Variants in AHR observed in about 807,000 individuals in gnomAD.
The protein encoded by AHR is aryl hydrocarbon receptor, also known as AH-receptor.
Under a neutral mutation model 86.8 loss-of-function variants are expected in AHR, and 40 were observed. The observed-to-expected ratio is 0.46, with a 90% CI of 0.36 to 0.60. The LOEUF is 0.60. AHR is among the 20% of genes least tolerant of loss of function. The pLI is 0.00. For missense variants in AHR, 1,001 were observed against 1,011.6 expected (o/e 0.99, Z 0.14); for synonymous variants, 398 against 354.9 (o/e 1.12, Z -1.37).
chr7:17,319,224 G>A (rs1423049214), intron 2 of AHR, among the ~76,000 whole-genome samples: 2 of 152,068 alleles, frequency 1.3e-5, no homozygotes, highest in African/African-American at 2.4e-5. Flanking sequence ...CATAGACTTC[G>A]TTACCTCTGT....
intron 1 of AHR, among the ~76,000 whole-genome samples, chr7:17,304,936 G>T (rs968799898): frequency 6.6e-6 from 1 of 152,072 alleles, no homozygotes; most frequent in Non-Finnish European, 1.5e-5. Context: ...TAGAAGAAGG[G>T]GGAGGGGAAA....
chr7:17,310,005 A>C lies in AHR; in HGVS notation c.135A>C (p.Thr45=). ...AGCGGCATAGAGACCGACTTAATAC[A>C]GAGTTGGACCGTTTGGCTAGCCTGC... ...PSKRHRDRLN[T]ELDRLASLLP... Residue 45 remains threonine, a synonymous_variant, in exon 2 of 11, where the codon ACA becomes ACC. Transcript: ENST00000242057. The C allele has an allele frequency of 6.2e-7, 1 of 1,613,372 alleles. No homozygotes were observed. The highest frequency in any genetic ancestry group is 8.5e-7 in the Non-Finnish European group (1 of 1,179,468).
chr7:17,342,401 A>G (rs1038410964), intron 10 of AHR, among the ~76,000 whole-genome samples: 4 of 152,186 alleles, frequency 2.6e-5, no homozygotes, highest in Non-Finnish European at 5.9e-5. Flanking sequence ...TATGAATAAG[A>G]AATCGGTTAA....
At chr7:17,301,779 C>T (rs1308255625) in intron 1 of AHR, among the ~76,000 whole-genome samples, 2 of 151,894 alleles carry the variant, frequency 1.3e-5, no homozygotes, top group Non-Finnish European at 2.9e-5. Context: ...ATAGTAGACT[C>T]TCAATAAATA....
At chr7:17,335,140 G>T in intron 8 of AHR, 144 bp downstream of exon 8, 1 of 534,598 alleles carries the variant, frequency 1.9e-6, no homozygotes, top group Non-Finnish European at 3.3e-6. Context: ...GATTAACCAG[G>T]GTTACACTCT....
intron 2 of AHR, among the ~76,000 whole-genome samples, chr7:17,312,476 A>G (rs898551837): frequency 4.6e-5 from 7 of 152,234 alleles, no homozygotes; most frequent in South Asian, 4.1e-4. Flanking sequence ...ATATATTTCT[A>G]TATTTAATGT....
intron 1 of AHR, among the ~76,000 whole-genome samples, chr7:17,307,748 C>A (rs1246228281): frequency 1.3e-5 from 2 of 152,096 alleles, no homozygotes; most frequent in Non-Finnish European, 2.9e-5. Context: ...TTCAGCGAAC[C>A]CTGCCCTGCT....
intron 1 of AHR, among the ~76,000 whole-genome samples, chr7:17,303,697 T>G (rs1022013036): frequency 2.6e-5 from 4 of 152,108 alleles, no homozygotes; most frequent in African/African-American, 9.7e-5. Flanking sequence ...CTTTAATATT[T>G]CAGAGAATAC....
chr7:17,312,955 C>T (rs1782080953), intron 2 of AHR, among the ~76,000 whole-genome samples: 1 of 152,068 alleles, frequency 6.6e-6, no homozygotes, highest in South Asian at 2.1e-4. Flanking sequence ...TGATTATGCC[C>T]TGAACAAGTT....
intron 6 of AHR, among the ~76,000 whole-genome samples, chr7:17,331,278 C>A (rs1301638345): frequency 6.6e-6 from 1 of 151,828 alleles, no homozygotes; most frequent in Non-Finnish European, 1.5e-5. Context: ...GCATCTTCAG[C>A]CCAAATTTAG....
At chr7:17,303,766 G>C (rs904866826) in intron 1 of AHR, among the ~76,000 whole-genome samples, 2 of 151,930 alleles carry the variant, frequency 1.3e-5, no homozygotes, top group Non-Finnish European at 2.9e-5. Context: ...TTCCTGTAAG[G>C]GAATTTTGGG....
intron 1 of AHR, among the ~76,000 whole-genome samples, chr7:17,307,610 A>G (rs1782018733): frequency 6.6e-6 from 1 of 152,186 alleles, no homozygotes; most frequent in Admixed American, 6.5e-5. Context: ...TAGAAAGATC[A>G]TGAAGGATTT....
chr7:17,343,834 G>A lies in AHR; in HGVS notation c.*770G>A, dbSNP rs1430594180. The A allele has an allele frequency of 6.6e-6, 1 of 152,356 alleles. No individual in the cohort carries two copies. The highest frequency in any genetic ancestry group is 1.5e-5 in the Non-Finnish European group (1 of 67,938). The allele number at this position is 152,356 out of a possible 1,614,324, so 9.4% of individuals were successfully genotyped here. ...AAATAATTATTTATTACATAATTTA[G>A]TTGTTTCTAGACTATAAATGTTGCT... On this transcript the variant is annotated 3_prime_UTR_variant, in exon 11 of 11. Transcript: ENST00000242057.
chr7:17,319,252 T>C (rs949920904), intron 2 of AHR, among the ~76,000 whole-genome samples: 3 of 152,126 alleles, frequency 2.0e-5, no homozygotes, highest in African/African-American at 7.2e-5. Flanking sequence ...TGTCAGTGAT[T>C]GATTCCAGGC....
At chr7:17,328,759 G>T (rs374559954) in intron 4 of AHR, among the ~76,000 whole-genome samples, 19 of 151,910 alleles carry the variant, frequency 1.3e-4, no homozygotes, top group Non-Finnish European at 2.5e-4. Flanking sequence ...GTTACAGGGG[G>T]TGTGTATATT....
chr7:17,299,239 G>T lies in AHR; in HGVS notation c.-26G>T, dbSNP rs1278302979. On this transcript the variant is annotated 5_prime_UTR_variant, in exon 1 of 11. Coordinates refer to ENST00000242057, the MANE Select transcript of AHR (RefSeq NM_001621.5). ...GGACCCGGCCGCCAGTGCCCGGGGA[G>T]TAGCCGCCGCCGTCGGCTGGGCACC... 7.5e-6 allele frequency: 12 copies of T among 1,608,074 alleles called. No homozygotes were observed. In the South Asian group the frequency reaches 1.3e-4, roughly 18 times the overall value.
chr7:17,320,322 A>G (rs1782155712), intron 2 of AHR, among the ~76,000 whole-genome samples: 1 of 152,050 alleles, frequency 6.6e-6, no homozygotes, highest in Admixed American at 6.6e-5. Context: ...CAAATTATAA[A>G]TTACTCTAAG....
chr7:17,312,315 T>G (rs1782073612), intron 2 of AHR, among the ~76,000 whole-genome samples: 2 of 152,188 alleles, frequency 1.3e-5, no homozygotes, highest in African/African-American at 4.8e-5. Flanking sequence ...ATTTTACCTT[T>G]CCATTTCTTG....
rs1360245102 is a variant in AHR, at chr7:17,345,946, A to G, written c.*2882A>G. ...TGAAGACTTACCAGTATTCTAGTGT[A>G]TTATGAAGCTTTCAACATTACTATG... On this transcript the variant is annotated 3_prime_UTR_variant, in exon 11 of 11. Transcript: ENST00000242057. 1.3e-5 allele frequency: 2 copies of G among 152,728 alleles called. No homozygotes were observed. The highest frequency in any genetic ancestry group is 2.9e-5 in the Non-Finnish European group (2 of 68,014). 9.5% of individuals were successfully genotyped at this position (152,728 alleles called of 1,614,324 possible).
Sources: gnomAD v4.1 joint callset for allele counts (sites outside exome capture counted in the v4.1 genomes callset) on GRCh38, gnomAD v4.1.1 for gene constraint, MANE v1.5 for transcripts, NCBI Gene and HGNC (gene_info 2026-07-23, HGNC 2026-07-21) for gene names.